TTL: variants seen among roughly 807,000 people sequenced by gnomAD.
The protein encoded by TTL is tubulin tyrosine ligase.
TTL carries 10 observed loss-of-function variants against 41.1 expected under a neutral mutation model. That is an observed-to-expected ratio of 0.24 (90% CI 0.15 to 0.41). TTL has a LOEUF of 0.41. TTL is among the 10% of genes least tolerant of loss of function. The pLI, the probability that TTL is intolerant of heterozygous loss-of-function variation, is 1.00. For synonymous variants in TTL, 175 were observed against 175.5 expected, an observed-to-expected ratio of 1.00 and a Z score of 0.02; for missense variants, 367 against 460.4, an observed-to-expected ratio of 0.80 and a Z score of 1.86.
At chr2:112,503,995 G>A (rs1489728072) in intron 5 of TTL, among the ~76,000 whole-genome samples, 2 of 77,574 alleles carry the variant, frequency 2.6e-5, no homozygotes, top group Non-Finnish European at 5.1e-5. Flanking sequence ...CCCAGAGTGT[G>A]ATATTCCCCT....
rs1296972173 is a variant in TTL, at chr2:112,528,780, C to T, written c.1119C>T (p.Ala373=). Residue 373 remains alanine, a synonymous_variant, in exon 7 of 7, where the codon GCC becomes GCT. Coordinates refer to ENST00000233336, the MANE Select transcript of TTL (RefSeq NM_153712.5). ...AGCAACCTCAGACCCAGCCAGCTGCCTTCATCAAGCTGTGACAGAGGGCAC... is the reference window on the plus strand; with the variant it reads ...AGCAACCTCAGACCCAGCCAGCTGCTTTCATCAAGCTGTGACAGAGGGCAC... The part of the protein sequence containing the change: ...DVEQPQTQPA[A]FIKL 6.2e-7 allele frequency: 1 copy of T among 1,614,056 alleles called. No individual in the cohort carries two copies. Among genetic ancestry groups the T allele is most frequent in the Non-Finnish European group, 8.5e-7 (1 of 1,179,960 alleles).
At chr2:112,495,983 C>A (rs1234136562) in intron 3 of TTL, among the ~76,000 whole-genome samples, 3 of 152,244 alleles carry the variant, frequency 2.0e-5, no homozygotes, top group African/African-American at 7.2e-5. Context: ...AAGGCCTCAA[C>A]TGGTATCCCT....
rs1301129690 is a variant in TTL, at chr2:112,536,498, A to C, written c.*7703A>C. The C allele has an allele frequency of 6.6e-6, 1 of 152,248 alleles. No individual in the cohort carries two copies. The highest frequency in any genetic ancestry group is 2.4e-5 in the African/African-American group (1 of 41,454). 9.4% of individuals were successfully genotyped at this position (152,248 alleles called of 1,614,324 possible). On this transcript the variant is annotated 3_prime_UTR_variant, in exon 7 of 7. Coordinates refer to ENST00000233336, the MANE Select transcript of TTL (RefSeq NM_153712.5). ...ACTAATGTTAGACAACATAAACTTT[A>C]AGAAAAAAATTGTTTCTATAGACAA...
At position 112,533,007 on chromosome 2, in the gene TTL, C is replaced by G. The variant is rs937829953; in HGVS notation, c.*4212C>G. On this transcript the variant is annotated 3_prime_UTR_variant, in exon 7 of 7. Coordinates refer to ENST00000233336, the MANE Select transcript of TTL (RefSeq NM_153712.5). ...TTAAATACCTATAAACCTCACACAC[C>G]TGAGATGCTTAGTCTTGTGGATAGA... 22 of 152,240 alleles carry G rather than the reference C, an allele frequency of 1.4e-4. No homozygotes were observed. The highest frequency in any genetic ancestry group is 5.1e-4 in the African/African-American group (21 of 41,456). The allele number at this position is 152,240 out of a possible 1,614,324, so 9.4% of individuals were successfully genotyped here.
intron 5 of TTL, among the ~76,000 whole-genome samples, chr2:112,511,736 T>A (rs1320735054): frequency 1.3e-5 from 2 of 151,098 alleles, no homozygotes; most frequent in Non-Finnish European, 3.0e-5. Flanking sequence ...GGCTAATTTT[T>A]GTATTTTTTT....
rs374922844 is a variant in TTL, at chr2:112,531,971, A to T, written c.*3176A>T. 2.6e-4 allele frequency: 58 copies of T among 226,576 alleles called. 1 individual carries two copies. The East Asian group carries it at 3.6e-3, about 14-fold the overall frequency. 14.0% of individuals were successfully genotyped at this position (226,576 alleles called of 1,614,324 possible). On this transcript the variant is annotated 3_prime_UTR_variant, in exon 7 of 7. Transcript: ENST00000233336. ...AACTCAACTCCTATGGCAATTATGA[A>T]CTCCATTTTACCAAGAACATTTAAG...
chr2:112,507,718 G>A (rs1428912830), intron 5 of TTL, among the ~76,000 whole-genome samples: 1 of 150,090 alleles, frequency 6.7e-6, no homozygotes, highest in South Asian at 2.1e-4. Context: ...GTCTCTGCAC[G>A]TGAGATGGGT....
At position 112,530,926 on chromosome 2, in the gene TTL, TG is replaced by T. The variant is rs1446959068; in HGVS notation, c.*2132del. 5.6e-6 allele frequency: 1 copy of T among 177,638 alleles called. No homozygotes were observed. Among genetic ancestry groups the T allele is most frequent in the African/African-American group, 2.4e-5 (1 of 42,290 alleles). 11.0% of individuals were successfully genotyped at this position (177,638 alleles called of 1,614,324 possible). A position where few individuals can be genotyped will look rare whatever the true frequency, so the allele number is the denominator to read the frequency against. On this transcript the variant is annotated 3_prime_UTR_variant, in exon 7 of 7. Transcript: ENST00000233336. ...AAATATTTTTTAAATTTTTAAAATT[TG>T]ATTTTAAATTTCAAATAAATTTAAA...
At chr2:112,485,706 A>T (rs961189495) in intron 1 of TTL, among the ~76,000 whole-genome samples, 3 of 152,226 alleles carry the variant, frequency 2.0e-5, no homozygotes, top group Non-Finnish European at 4.4e-5. Flanking sequence ...TACGATGTTG[A>T]TATAATATCC....
rs1682490733 is a variant in TTL, at chr2:112,530,905, A to G, written c.*2110A>G. On this transcript the variant is annotated 3_prime_UTR_variant, in exon 7 of 7. Coordinates refer to ENST00000233336, the MANE Select transcript of TTL (RefSeq NM_153712.5). ...GGAACTTATTTCCTTTTTAAAAAATATTTTTTAAATTTTTAAAATTTGATT... is the reference window on the plus strand; with the variant it reads ...GGAACTTATTTCCTTTTTAAAAAATGTTTTTTAAATTTTTAAAATTTGATT... 2.8e-5 allele frequency: 5 copies of G among 178,122 alleles called. No homozygotes were observed. Among genetic ancestry groups the G allele is most frequent in the Admixed American group, 1.9e-4 (3 of 15,848 alleles). The allele number at this position is 178,122 out of a possible 1,614,324, so 11.0% of individuals were successfully genotyped here. A position where few individuals can be genotyped will look rare whatever the true frequency, so the allele number is the denominator to read the frequency against.
intron 4 of TTL, among the ~76,000 whole-genome samples, chr2:112,501,939 TC>T (rs1287660232): frequency 6.6e-6 from 1 of 152,086 alleles, no homozygotes; most frequent in Non-Finnish European, 1.5e-5. Flanking sequence ...AAATGTATGG[TC>T]TTGCTCATGG....
intron 2 of TTL, among the ~76,000 whole-genome samples, chr2:112,493,610 C>T (rs1341906930): frequency 2.0e-5 from 3 of 152,210 alleles, no homozygotes; most frequent in Admixed American, 2.0e-4. Flanking sequence ...ACTATGACCA[C>T]TGGTGTCCTA....
At position 112,540,675 on chromosome 2, in the gene TTL, C is replaced by T. The variant is rs1264214301; in HGVS notation, c.*11880C>T. On this transcript the variant is annotated 3_prime_UTR_variant, in exon 7 of 7. Coordinates refer to ENST00000233336, the MANE Select transcript of TTL (RefSeq NM_153712.5). The stretch of plus-strand genomic sequence containing the variant: ...AATAGAACTGAGAGTCAAAAATAAA[C>T]CCTTGCATCTATAGTGAACTGATTT... The T allele has an allele frequency of 6.6e-6, 1 of 152,138 alleles. No individual in the cohort carries two copies. Among genetic ancestry groups the T allele is most frequent in the African/African-American group, 2.4e-5 (1 of 41,444 alleles). 9.4% of individuals were successfully genotyped at this position (152,138 alleles called of 1,614,324 possible).
intron 5 of TTL, among the ~76,000 whole-genome samples, chr2:112,519,938 C>G (rs1682174776): frequency 6.6e-6 from 1 of 151,980 alleles, no homozygotes; most frequent in Non-Finnish European, 1.5e-5. Flanking sequence ...CGAGACCAGC[C>G]TGACCAACAT....
Position 112,520,956 on chromosome 2 carries a change from G to A in TTL, c.1019+531G>A, listed in dbSNP as rs115306963. Among the ~76,000 whole-genome samples the A allele has an allele frequency of 4.2e-3, 643 of 152,222 alleles. 8 individuals are homozygous for A. The highest frequency in any genetic ancestry group is 0.015 in the African/African-American group (628 of 41,518). ...AAGCAGCTAGCCTGTGCTCAGGTGG[G>A]TGGGAGATGCCATGAGAGTGTTAAA... is the stretch of plus-strand genomic sequence containing the variant. On this transcript the variant is annotated intron_variant, in intron 6 of 6. Coordinates refer to ENST00000233336, the MANE Select transcript of TTL (RefSeq NM_153712.5).
chr2:112,514,887 C>A (rs951970204), intron 5 of TTL, among the ~76,000 whole-genome samples: 1 of 152,058 alleles, frequency 6.6e-6, no homozygotes, highest in African/African-American at 2.4e-5. Context: ...ATTTTTGTAT[C>A]ATTTTATCTC....
At chr2:112,528,297 A>G (rs1250242661) in intron 6 of TTL, among the ~76,000 whole-genome samples, 1 of 152,134 alleles carries the variant, frequency 6.6e-6, no homozygotes, top group Non-Finnish European at 1.5e-5. Flanking sequence ...GATCTTGGTA[A>G]AAAACAAAAA....
At chr2:112,503,339 A>G (rs1681750270) in intron 5 of TTL, among the ~76,000 whole-genome samples, 158 bp downstream of exon 5, 1 of 150,534 alleles carries the variant, frequency 6.6e-6, no homozygotes, top group South Asian at 2.1e-4. Flanking sequence ...CAGGTTCTGT[A>G]ATGATGTCTC....
At chr2:112,484,675 AAGG>A (rs1681191965) in intron 1 of TTL, among the ~76,000 whole-genome samples, 1 of 152,168 alleles carries the variant, frequency 6.6e-6, no homozygotes, top group Non-Finnish European at 1.5e-5. Context: ...CATGAAAGCC[AAGG>A]AGAAGATTTA....
Sources: allele counts gnomAD v4.1 joint callset (sites outside exome capture counted in the v4.1 genomes callset), GRCh38; gene constraint gnomAD v4.1.1; transcripts MANE v1.5; gene names NCBI Gene and HGNC (gene_info 2026-07-23, HGNC 2026-07-21).